The following ATG7 variants were observed in gnomAD, a reference collection of about 807,000 sequenced individuals.
ATG7 encodes the protein ubiquitin-like modifier-activating enzyme ATG7.
A neutral mutation model predicts 82.4 loss-of-function variants in ATG7; 70 were observed. The observed-to-expected ratio is 0.85, with a 90% CI of 0.70 to 1.04. ATG7 has a LOEUF of 1.04. Ranked by LOEUF, ATG7 falls within the 50% of genes least tolerant of loss-of-function variation. ATG7 has a pLI of 0.00. For synonymous variants in ATG7, 287 were observed against 313.0 expected (o/e 0.92, Z 0.88); for missense variants, 792 against 864.3 (o/e 0.92, Z 1.05).
intron 20 of ATG7, among the ~76,000 whole-genome samples, chr3:11,509,240 TAG>T (rs1350635501): frequency 2.0e-5 from 3 of 152,212 alleles, no homozygotes; most frequent in Non-Finnish European, 4.4e-5. Context: ...AAGCAGTACT[TAG>T]AGGCCAACTT....
At chr3:11,534,738 C>T (rs1575226476) in intron 20 of ATG7, among the ~76,000 whole-genome samples, 3 of 152,216 alleles carry the variant, frequency 2.0e-5, no homozygotes, top group Non-Finnish European at 4.4e-5. Context: ...CCCAGCGCAG[C>T]CTGGTAGGCC....
chr3:11,556,383 GC>G lies in ATG7; in HGVS notation c.*1542del, dbSNP rs931047138. The G allele has an allele frequency of 2.0e-5, 3 of 152,858 alleles. No individual in the cohort carries two copies. The highest frequency in any genetic ancestry group is 4.4e-5 in the Non-Finnish European group (3 of 68,204). 9.5% of individuals were successfully genotyped at this position (152,858 alleles called of 1,614,324 possible). A position where few individuals can be genotyped will look rare whatever the true frequency, so the allele number is the denominator to read the frequency against. ...GATAGGTCAGTGCACCAGGGACCCGGCCGCCAGCACCGCCGACCCCTCCCAG... is the reference window on the plus strand; with the variant it reads ...GATAGGTCAGTGCACCAGGGACCCGGCGCCAGCACCGCCGACCCCTCCCAG... On this transcript the variant is annotated 3_prime_UTR_variant, in exon 21 of 21. Coordinates refer to ENST00000693202, the MANE Select transcript of ATG7 (RefSeq NM_001349232.2).
At chr3:11,546,273 G>A (rs1189611869) in intron 20 of ATG7, among the ~76,000 whole-genome samples, 1 of 138,294 alleles carries the variant, frequency 7.2e-6, no homozygotes, top group Non-Finnish European at 1.5e-5. Context: ...CCGGGTTCAA[G>A]CAATTTTCCT....
At chr3:11,435,401 G>A (rs1056121049) in intron 20 of ATG7, among the ~76,000 whole-genome samples, 1 of 152,072 alleles carries the variant, frequency 6.6e-6, no homozygotes, top group Non-Finnish European at 1.5e-5. Context: ...CCATAACTGG[G>A]TATGTTCATG....
intron 19 of ATG7, among the ~76,000 whole-genome samples, chr3:11,424,602 AAT>A (rs2082205426): frequency 9.3e-6 from 1 of 107,714 alleles, no homozygotes; most frequent in African/African-American, 2.8e-5. Flanking sequence ...AATTTTAATA[AAT>A]ATTAATTTTT....
the ATG7 span, chr3:11,568,704 G>A: frequency 1.3e-6 from 2 of 1,549,528 alleles, no homozygotes; most frequent in Non-Finnish European, 1.7e-6. The surrounding 1 kb of genome is among the most constrained non-coding windows in gnomAD (Gnocchi z 5.9). Context: ...CTGCTTCCCA[G>A]GCGTCATGTG....
intron 20 of ATG7, among the ~76,000 whole-genome samples, chr3:11,540,744 T>C (rs2070742823): frequency 1.3e-5 from 2 of 152,172 alleles, no homozygotes; most frequent in Admixed American, 6.5e-5. Flanking sequence ...ATTTTCTTGA[T>C]GTTGTCTTTA....
intron 20 of ATG7, among the ~76,000 whole-genome samples, chr3:11,444,965 TCAC>T (rs1162684825): frequency 2.6e-5 from 4 of 152,212 alleles, no homozygotes; most frequent in Non-Finnish European, 5.9e-5. Flanking sequence ...AAGCTCATCA[TCAC>T]TAGTCATTAG....
At chr3:11,357,186 A>G (rs1326834380) in intron 14 of ATG7, among the ~76,000 whole-genome samples, 4 of 152,214 alleles carry the variant, frequency 2.6e-5, no homozygotes, top group Non-Finnish European at 5.9e-5. Context: ...AGTGATATAC[A>G]GGGGTTAAAG....
rs745619269 is a variant in ATG7, at chr3:11,363,033, C to T, written c.1799+105C>T. On this transcript the variant is annotated intron_variant, in intron 17 of 20. Transcript: ENST00000693202. ...CTCAGTCTGACTTTACAGAGAATTTCACTATTTCACCCTCAAAAAAACAAG... is the reference window on the plus strand; with the variant it reads ...CTCAGTCTGACTTTACAGAGAATTTTACTATTTCACCCTCAAAAAAACAAG... The T allele has an allele frequency of 3.5e-4, 348 of 989,722 alleles. 1 individual carries two copies. The highest frequency in any genetic ancestry group is 4.9e-4 in the Non-Finnish European group (331 of 670,038). The allele number at this position is 989,722 out of a possible 1,614,324, so 61.3% of individuals were successfully genotyped here.
At chr3:11,346,233 A>G (rs1011922406) in intron 13 of ATG7, among the ~76,000 whole-genome samples, 1 of 151,936 alleles carries the variant, frequency 6.6e-6, no homozygotes, top group Non-Finnish European at 1.5e-5. Flanking sequence ...AACTTACTGA[A>G]CCCTTCTCCT....
chr3:11,441,490 C>T (rs2083957735), intron 20 of ATG7, among the ~76,000 whole-genome samples: 1 of 152,030 alleles, frequency 6.6e-6, no homozygotes, highest in African/African-American at 2.4e-5. Context: ...GATCCACCCA[C>T]CTCGGCCTCC....
intron 3 of ATG7, among the ~76,000 whole-genome samples, chr3:11,292,352 TG>T (rs1321179776): frequency 6.6e-6 from 1 of 151,518 alleles, no homozygotes; most frequent in East Asian, 1.9e-4. Context: ...CTCCGCCTCC[TG>T]GGTTCAAACA....
chr3:11,377,726 A>G (rs541811293), intron 18 of ATG7, among the ~76,000 whole-genome samples: 1 of 152,324 alleles, frequency 6.6e-6, no homozygotes, highest in African/African-American at 2.4e-5. Flanking sequence ...GTTCTTTTCT[A>G]AGTAAACTTA....
chr3:11,471,086 C>G (rs980924412), intron 20 of ATG7, among the ~76,000 whole-genome samples: 3 of 152,190 alleles, frequency 2.0e-5, no homozygotes, highest in Non-Finnish European at 2.9e-5. Context: ...CCCTTAGTCT[C>G]TGTCCCCTCC....
At chr3:11,532,910 G>T (rs976175789) in intron 20 of ATG7, among the ~76,000 whole-genome samples, 1 of 152,240 alleles carries the variant, frequency 6.6e-6, no homozygotes, top group African/African-American at 2.4e-5. Context: ...GAGGACCTGA[G>T]TCTTGTTATC....
chr3:11,331,576 A>G, intron 10 of ATG7, 148 bp downstream of exon 10: 2 of 721,890 alleles, frequency 2.8e-6, no homozygotes, highest in East Asian at 2.6e-5. Context: ...TAAATCAGTC[A>G]TAACCCAATT....
intron 20 of ATG7, among the ~76,000 whole-genome samples, chr3:11,548,287 C>A (rs1346605771): frequency 6.6e-6 from 1 of 152,186 alleles, no homozygotes; most frequent in Non-Finnish European, 1.5e-5. Context: ...ATTCTAGATA[C>A]AAGTCTCTTA....
intron 20 of ATG7, among the ~76,000 whole-genome samples, chr3:11,486,617 G>T (rs1171476078): frequency 6.6e-6 from 1 of 151,820 alleles, no homozygotes; most frequent in Non-Finnish European, 1.5e-5. Flanking sequence ...TCTTGTGCCA[G>T]TTTTCAAAGG....
Sources: gnomAD v4.1 joint callset for allele counts (sites outside exome capture counted in the v4.1 genomes callset) on GRCh38, gnomAD v4.1.1 for gene constraint, Gnocchi (gnomAD v3.1) non-coding constraint, MANE v1.5 for transcripts, NCBI Gene and HGNC (gene_info 2026-07-23, HGNC 2026-07-21) for gene names.